RASAL2: variants seen among roughly 807,000 people sequenced by gnomAD.
RASAL2 encodes ras GTPase-activating protein nGAP.
In RASAL2, 58 loss-of-function variants were observed where a neutral mutation model predicts 128.9. That is an observed-to-expected ratio of 0.45 (90% CI 0.36 to 0.56). The LOEUF (loss-of-function observed/expected upper bound fraction) is 0.56, where lower values mean the gene tolerates loss of function less well. Ranked by LOEUF, RASAL2 falls within the 20% of genes least tolerant of loss-of-function variation. The pLI is 0.00. For missense variants in RASAL2, 1,360 were observed against 1,601.6 expected, an observed-to-expected ratio of 0.85 and a Z score of 2.57; for synonymous variants, 561 against 580.8, an observed-to-expected ratio of 0.97 and a Z score of 0.49.
intron 1 of RASAL2, among the ~76,000 whole-genome samples, chr1:178,137,405 T>C (rs1375601305): frequency 6.6e-6 from 1 of 152,210 alleles, no homozygotes; most frequent in Non-Finnish European, 1.5e-5. Context: ...TTTAAGGAAG[T>C]TGGGGATTGA....
intron 3 of RASAL2, among the ~76,000 whole-genome samples, chr1:178,371,353 A>ACACACAC (rs59882717): frequency 4.6e-5 from 5 of 109,640 alleles, no homozygotes; most frequent in Admixed American, 4.4e-4. Context: ...CACACACACA[A>ACACACAC]ATACACACAC....
At chr1:178,309,631 C>T (rs1668144196) in intron 3 of RASAL2, among the ~76,000 whole-genome samples, 1 of 152,030 alleles carries the variant, frequency 6.6e-6, no homozygotes, top group Admixed American at 6.6e-5. Context: ...TAGCCATATA[C>T]AGTCAGTTCT....
At chr1:178,293,855 A>G (rs1667383399) in intron 2 of RASAL2, among the ~76,000 whole-genome samples, 1 of 152,248 alleles carries the variant, frequency 6.6e-6, no homozygotes, top group South Asian at 2.1e-4. Flanking sequence ...ATGGAAGTGT[A>G]CCTTGACCTT....
At chr1:178,243,954 C>T (rs992710362) in intron 1 of RASAL2, among the ~76,000 whole-genome samples, 1 of 152,178 alleles carries the variant, frequency 6.6e-6, no homozygotes, top group Non-Finnish European at 1.5e-5. Flanking sequence ...TGTCATCATC[C>T]ATGTCAAATA....
At chr1:178,239,118 A>G (rs1239179224) in intron 1 of RASAL2, among the ~76,000 whole-genome samples, 1 of 152,130 alleles carries the variant, frequency 6.6e-6, no homozygotes, top group Non-Finnish European at 1.5e-5. Context: ...TCACCTTTAC[A>G]AAGTAGAAAC....
At chr1:178,201,039 A>C (rs1484970784) in intron 1 of RASAL2, among the ~76,000 whole-genome samples, 1 of 152,206 alleles carries the variant, frequency 6.6e-6, no homozygotes, top group Non-Finnish European at 1.5e-5. Context: ...CCTAGAGGTG[A>C]GGTTCAGAGT....
intron 5 of RASAL2, among the ~76,000 whole-genome samples, chr1:178,422,808 GTTA>G (rs1675242670): frequency 1.3e-5 from 2 of 152,148 alleles, no homozygotes; most frequent in South Asian, 4.2e-4. Flanking sequence ...GGAACTTCCA[GTTA>G]AATGTAGTAA....
intron 1 of RASAL2, among the ~76,000 whole-genome samples, chr1:178,259,122 C>CTTTTTTTT (rs59978357): frequency 1.4e-5 from 1 of 70,546 alleles, no homozygotes; most frequent in African/African-American, 5.5e-5. Flanking sequence ...AATGAAACTT[C>CTTTTTTTT]TTTTTTTTTT....
chr1:178,131,375 C>CTTTTTTTTTT (rs71108028), intron 1 of RASAL2, among the ~76,000 whole-genome samples: 2 of 82,606 alleles, frequency 2.4e-5, no homozygotes, highest in Admixed American at 1.5e-4. Flanking sequence ...CCTGGATAAT[C>CTTTTTTTTTT]TTTTTTTTTT....
chr1:178,461,376 G>A (rs1221378120), intron 14 of RASAL2, among the ~76,000 whole-genome samples: 2 of 152,200 alleles, frequency 1.3e-5, no homozygotes, highest in Non-Finnish European at 2.9e-5. Flanking sequence ...TGTCTGCAGA[G>A]TAACTGGCTT....
chr1:178,320,380 C>T (rs1336498485), intron 3 of RASAL2, among the ~76,000 whole-genome samples: 1 of 152,228 alleles, frequency 6.6e-6, no homozygotes, highest in Non-Finnish European at 1.5e-5. Flanking sequence ...ATGGTGGGCA[C>T]CCTCCCCCAG....
intron 1 of RASAL2, among the ~76,000 whole-genome samples, chr1:178,259,119 C>CTT (rs1665527948): frequency 2.4e-5 from 3 of 126,924 alleles, no homozygotes; most frequent in African/African-American, 9.5e-5. Context: ...GGCAATGAAA[C>CTT]TTCTTTTTTT....
intron 3 of RASAL2, among the ~76,000 whole-genome samples, chr1:178,322,733 T>G (rs1025207844): frequency 1.3e-5 from 2 of 152,228 alleles, no homozygotes; most frequent in Admixed American, 1.3e-4. Context: ...GAGCACTAAT[T>G]GAATCATACT....
intron 1 of RASAL2, among the ~76,000 whole-genome samples, chr1:178,142,417 T>C (rs1660566731): frequency 6.6e-6 from 1 of 152,116 alleles, no homozygotes; most frequent in Non-Finnish European, 1.5e-5. Context: ...CTTGTTGATA[T>C]TTGGCTAAGG....
At chr1:178,339,499 A>C (rs960964111) in intron 3 of RASAL2, among the ~76,000 whole-genome samples, 4 of 152,156 alleles carry the variant, frequency 2.6e-5, no homozygotes, top group African/African-American at 9.7e-5. Flanking sequence ...TCAAGCTAGA[A>C]AGTGGCCGAA....
chr1:178,121,645 C>G (rs1196078177), intron 1 of RASAL2, among the ~76,000 whole-genome samples: 1 of 152,060 alleles, frequency 6.6e-6, no homozygotes, highest in Non-Finnish European at 1.5e-5. Flanking sequence ...ACCACCATGC[C>G]TGGCTAAGTT....
At chr1:178,338,057 C>A (rs1409756016) in intron 3 of RASAL2, among the ~76,000 whole-genome samples, 3 of 151,334 alleles carry the variant, frequency 2.0e-5, no homozygotes, top group African/African-American at 4.9e-5. Flanking sequence ...ATACAGCTAG[C>A]TTATTATTTT....
intron 4 of RASAL2, among the ~76,000 whole-genome samples, chr1:178,400,747 AAATT>A (rs1242325817): frequency 5.1e-4 from 78 of 152,230 alleles, no homozygotes; most frequent in African/African-American, 1.6e-3. Context: ...TTCATAGTCA[AAATT>A]AATTAATTAA....
chr1:178,200,119 A>T (rs112123630), intron 1 of RASAL2, among the ~76,000 whole-genome samples: 2,042 of 152,240 alleles, frequency 0.013, 47 homozygotes, highest in African/African-American at 0.046. Flanking sequence ...CTTTATATAT[A>T]CATCTGTCCT....
Sources: allele counts gnomAD v4.1 joint callset (sites outside exome capture counted in the v4.1 genomes callset), GRCh38; gene constraint gnomAD v4.1.1; transcripts MANE v1.5; gene names NCBI Gene and HGNC (gene_info 2026-07-23, HGNC 2026-07-21).